Variants in PXDC1 observed in about 807,000 individuals in gnomAD.
PXDC1 encodes the protein PX domain containing 1, also known as PX domain-containing protein 1.
A neutral mutation model predicts 24.4 loss-of-function variants in PXDC1; 13 were observed. The observed-to-expected ratio is 0.53, with a 90% CI of 0.35 to 0.85. The LOEUF (loss-of-function observed/expected upper bound fraction) is 0.85. Ranked by LOEUF, PXDC1 falls within the 40% of genes least tolerant of loss-of-function variation. The pLI is 0.01. For missense variants in PXDC1, 344 were observed against 309.3 expected (o/e 1.11, Z -0.84); for synonymous variants, 162 against 124.9 (o/e 1.30, Z -1.98).
At chr6:3,747,035 G>A (rs1298813117) in intron 1 of PXDC1, among the ~76,000 whole-genome samples, 1 of 152,108 alleles carries the variant, frequency 6.6e-6, no homozygotes, top group African/African-American at 2.4e-5. Context: ...GCACAGGCAG[G>A]TACATTAGCA....
chr6:3,728,750 T>C lies in PXDC1; in HGVS notation c.467-1088A>G, dbSNP rs1338136000. 1.3e-5 allele frequency among the ~76,000 whole-genome samples: 2 copies of C among 152,134 alleles called. No homozygotes were observed. Among genetic ancestry groups the C allele is most frequent in the South Asian group, 2.1e-4 (1 of 4,832 alleles). On this transcript the variant is annotated intron_variant, in intron 3 of 4. Transcript: ENST00000380283. This position sits in a 1 kb window ranked among gnomAD's most constrained non-coding sequence, Gnocchi z 4.0. ...GGATCGCATCATGCCATCTGGTCCA[T>C]CTAGGTATAAAAAGCTGCAGCGTTC...
chr6:3,727,419 G>T, intron 4 of PXDC1, 132 bp downstream of exon 4: 1 of 609,324 alleles, frequency 1.6e-6, no homozygotes. Flanking sequence ...TAAAATCAGT[G>T]TCCAAATGCA....
Position 3,751,355 on chromosome 6 carries a change from G to A in PXDC1, c.177C>T (p.Asp59=), listed in dbSNP as rs1186908449. 3.2e-6 allele frequency: 5 copies of A among 1,558,056 alleles called. No homozygotes were observed. The highest frequency in any genetic ancestry group is 1.4e-5 in the African/African-American group (1 of 73,166). The change falls in exon 1 of 5, where the codon GAC becomes GAT. Residue 59 remains aspartate (D), a synonymous_variant. Transcript: ENST00000380283. ...GCAGGCGCTGCCACAGGCGGCCCAG[G>A]TCCGCCAGGCTGCGGTGCAGGTAGA... ...SVLYLHRSLA[D]LGRLWQRLRD... is the part of the protein sequence containing the mutation.
intron 3 of PXDC1, among the ~76,000 whole-genome samples, chr6:3,729,248 C>T (rs1760143387): frequency 6.6e-6 from 1 of 152,192 alleles, no homozygotes; most frequent in African/African-American, 2.4e-5. Context: ...AATCTTTCTA[C>T]ATATTTGGTT....
chr6:3,743,389 T>C lies in PXDC1; in HGVS notation c.257-5241A>G, dbSNP rs74957934. Among the ~76,000 whole-genome samples the C allele has an allele frequency of 7.8e-3, 1,185 of 152,224 alleles. 14 individuals carry two copies. The highest frequency in any genetic ancestry group is 0.027 in the African/African-American group (1,113 of 41,510). ...AGTCAAACCATAAATTACATTTATA[T>C]TGTTTCCTTTCCATTTAACAAATGT... On this transcript the variant is annotated intron_variant, in intron 1 of 4. Coordinates refer to ENST00000380283, the MANE Select transcript of PXDC1 (RefSeq NM_183373.4).
intron 3 of PXDC1, among the ~76,000 whole-genome samples, chr6:3,729,196 G>A (rs184140391): frequency 1.5e-4 from 23 of 152,096 alleles, no homozygotes; most frequent in African/African-American, 5.3e-4. Context: ...TCCCGTGTAT[G>A]GATTTGCTTT....
At chr6:3,743,811 C>T (rs1760503866) in intron 1 of PXDC1, among the ~76,000 whole-genome samples, 1 of 152,246 alleles carries the variant, frequency 6.6e-6, no homozygotes, top group Non-Finnish European at 1.5e-5. Flanking sequence ...GCCTCCCCCA[C>T]ACCTCCACGC....
chr6:3,732,818 A>T (rs1760231609), intron 3 of PXDC1, among the ~76,000 whole-genome samples: 1 of 152,192 alleles, frequency 6.6e-6, no homozygotes, highest in Non-Finnish European at 1.5e-5. Flanking sequence ...TCATGAGAGC[A>T]GAGACAGTCA....
At chr6:3,735,573 G>A (rs188687901) in intron 3 of PXDC1, among the ~76,000 whole-genome samples, 2 of 152,338 alleles carry the variant, frequency 1.3e-5, no homozygotes, top group East Asian at 3.9e-4. Context: ...GATCATAGAA[G>A]CAGCAAGTAG....
In PXDC1 at chr6:3,737,829, G is replaced by C. The variant is rs146105623; in HGVS notation, c.348+228C>G. On this transcript the variant is annotated intron_variant, in intron 2 of 4. Coordinates refer to ENST00000380283, the MANE Select transcript of PXDC1 (RefSeq NM_183373.4). This position sits in a 1 kb window ranked among gnomAD's most constrained non-coding sequence, Gnocchi z 5.5. ...ATCCCTCATTTTCACTCTTTCCCCA[G>C]GGAGGAAAAACCGGGGCCACTGGAG... 3,029 of 398,940 alleles carry C rather than the reference G, an allele frequency of 7.6e-3. 17 individuals are homozygous for C. The highest frequency in any genetic ancestry group is 8.7e-3 in the Non-Finnish European group (2,567 of 294,256). The allele number at this position is 398,940 out of a possible 1,614,324, so 24.7% of individuals were successfully genotyped here. A position where few individuals can be genotyped will look rare whatever the true frequency, so the allele number is the denominator to read the frequency against.
At chr6:3,741,001 G>A (rs1760438145) in intron 1 of PXDC1, among the ~76,000 whole-genome samples, 1 of 152,276 alleles carries the variant, frequency 6.6e-6, no homozygotes, top group African/African-American at 2.4e-5. Context: ...TGGCTGTGCT[G>A]GCAGAATACA....
rs555874144 is a variant in PXDC1, at chr6:3,738,123, G to T, written c.282C>A (p.His94Gln). ...RQGLVAIKEA[H>Q]DIETRLNEVE... ...CCTCATTAAGCCTGGTCTCTATGTC[G>T]TGGGCTTCCTTTATGGCAACCAGTC... Residue 94 changes from histidine to glutamine, a missense_variant, in exon 2 of 5, where the codon CAC becomes CAA. His to Gln is a conservative substitution (Grantham distance 24). Coordinates refer to ENST00000380283, the MANE Select transcript of PXDC1 (RefSeq NM_183373.4). The T allele has an allele frequency of 8.7e-6, 14 of 1,613,828 alleles. No individual in the cohort carries two copies. The Admixed American group carries it at 1.2e-4, about 13-fold the overall frequency.
At position 3,737,436 on chromosome 6, in the gene PXDC1, G is replaced by C. The variant is rs1760345451; in HGVS notation, c.349-240C>G. Among the ~76,000 whole-genome samples the C allele has an allele frequency of 6.6e-6, 1 of 152,222 alleles. No individual in the cohort carries two copies. Among genetic ancestry groups the C allele is most frequent in the African/African-American group, 2.4e-5 (1 of 41,458 alleles). ...GCCTCAGCGACCTGGGCAGTGGAGG[G>C]AATCATGGCTCTGATGTGCCAGTTT... is the stretch of plus-strand genomic sequence containing the variant. On this transcript the variant is annotated intron_variant, in intron 2 of 4. Transcript: ENST00000380283. The surrounding 1 kb of genome is among the most constrained non-coding windows in gnomAD (Gnocchi z 5.5).
intron 1 of PXDC1, among the ~76,000 whole-genome samples, chr6:3,745,477 C>T (rs1355952031): frequency 4.6e-5 from 7 of 152,246 alleles, no homozygotes; most frequent in Non-Finnish European, 1.0e-4. Flanking sequence ...GCACCCGAGG[C>T]TTGAGGAACT....
intron 3 of PXDC1, among the ~76,000 whole-genome samples, chr6:3,731,454 T>G (rs1760193681): frequency 6.6e-6 from 1 of 152,264 alleles, no homozygotes; most frequent in Non-Finnish European, 1.5e-5. Context: ...AATGTAGCCA[T>G]TTTAATCACA....
chr6:3,750,538 G>C (rs1434009521), intron 1 of PXDC1, among the ~76,000 whole-genome samples: 1 of 152,140 alleles, frequency 6.6e-6, no homozygotes, highest in Non-Finnish European at 1.5e-5. Context: ...CCTCAGCCTG[G>C]CCTCCAAAAG....
chr6:3,744,311 G>A (rs945947043), intron 1 of PXDC1, among the ~76,000 whole-genome samples: 3 of 152,094 alleles, frequency 2.0e-5, no homozygotes, highest in African/African-American at 7.2e-5. Context: ...ACCAGGCTGG[G>A]GATACCACGG....
intron 1 of PXDC1, chr6:3,750,965 C>T (rs573434903): frequency 3.1e-4 from 104 of 332,994 alleles, no homozygotes; most frequent in African/African-American, 2.1e-3. Flanking sequence ...CAGCCCCGGG[C>T]GCCCCCGCCC....
chr6:3,746,712 C>T (rs961074108), intron 1 of PXDC1, among the ~76,000 whole-genome samples: 5 of 152,136 alleles, frequency 3.3e-5, no homozygotes, highest in African/African-American at 7.2e-5. Context: ...ATTTCTGAGC[C>T]ACTGTCACTA....
Sources: gnomAD v4.1 joint callset for allele counts (sites outside exome capture counted in the v4.1 genomes callset) on GRCh38, gnomAD v4.1.1 for gene constraint, Gnocchi (gnomAD v3.1) non-coding constraint, MANE v1.5 for transcripts, NCBI Gene and HGNC (gene_info 2026-07-23, HGNC 2026-07-21) for gene names.